Variants in KIF4A observed in about 807,000 individuals in gnomAD.
KIF4A encodes the protein chromosome-associated kinesin KIF4A.
Under a neutral mutation model 105.9 loss-of-function variants are expected in KIF4A, and 7 were observed. The ratio of observed to expected loss-of-function variants is 0.07; its 90% CI spans 0.04 to 0.12. The LOEUF (loss-of-function observed/expected upper bound fraction) is 0.12, where lower values mean the gene tolerates loss of function less well. Among genes scored for constraint, KIF4A ranks in the 10% least tolerant of loss-of-function variants. KIF4A has a pLI of 1.00. For missense variants in KIF4A, 558 were observed against 929.2 expected (o/e 0.60, Z 5.19); for synonymous variants, 281 against 331.3 (o/e 0.85, Z 1.65).
At chrX:70,305,716 G>A (rs1384333027) in intron 7 of KIF4A, among the ~76,000 whole-genome samples, 2 of 111,967 alleles carry the variant, frequency 1.8e-5, no homozygotes, top group Non-Finnish European at 3.8e-5. Context: ...CCTATGAGTG[G>A]AATTGCTGGA....
rs372422525 is a variant in KIF4A, at chrX:70,367,318, G to A, written c.1675-6833G>A. On this transcript the variant is annotated intron_variant, in intron 15 of 30. Transcript: ENST00000374403. The stretch of plus-strand genomic sequence containing the variant: ...ATGATGTTAGCTGGTTATTTTGCTC[G>A]TTAGTTGATGCAGTTTCTTCCTAGC... 4.0e-3 allele frequency among the ~76,000 whole-genome samples: 441 copies of A among 110,769 alleles called. 3 individuals carry two copies. Among genetic ancestry groups the A allele is most frequent in the African/African-American group, 0.012 (372 of 30,493 alleles).
intron 15 of KIF4A, among the ~76,000 whole-genome samples, chrX:70,360,256 G>T (rs1214975356): frequency 8.9e-6 from 1 of 112,587 alleles, no homozygotes; most frequent in African/African-American, 3.2e-5. Context: ...GATGGGTAGA[G>T]AAAAAGTTCA....
chrX:70,353,599 T>C, intron 14 of KIF4A, 23 bp from the exon 15 acceptor site: 1 of 1,193,937 alleles, frequency 8.4e-7, no homozygotes, highest in Non-Finnish European at 1.1e-6. Context: ...CTCTTATAAA[T>C]CATTATCCTG....
intron 7 of KIF4A, 102 bp from the exon 8 acceptor site, chrX:70,329,303 A>G (rs2085921837): frequency 1.3e-6 from 1 of 778,225 alleles, no homozygotes; most frequent in Non-Finnish European, 1.8e-6. Flanking sequence ...TGATGACTCG[A>G]TATTTTTATG....
chrX:70,371,743 C>T (rs1449917395), intron 15 of KIF4A, among the ~76,000 whole-genome samples: 5 of 108,290 alleles, frequency 4.6e-5, no homozygotes, highest in African/African-American at 1.0e-4. Context: ...GGCTGCTGGG[C>T]GGAGACGCTC....
intron 15 of KIF4A, among the ~76,000 whole-genome samples, chrX:70,367,890 A>G (rs1367988844): frequency 8.9e-6 from 1 of 112,056 alleles, no homozygotes; most frequent in Admixed American, 9.5e-5. Flanking sequence ...AGGTACACCA[A>G]TCAGACATAG....
At chrX:70,294,197 C>G (rs2085771946) in intron 3 of KIF4A, among the ~76,000 whole-genome samples, 1 of 111,747 alleles carries the variant, frequency 8.9e-6, no homozygotes, top group Non-Finnish European at 1.9e-5. Context: ...CACCCAGGGC[C>G]AGGATCTTCA....
intron 13 of KIF4A, among the ~76,000 whole-genome samples, chrX:70,351,131 GTTCTT>G (rs764751080): frequency 8.9e-6 from 1 of 112,165 alleles, no homozygotes; most frequent in South Asian, 3.7e-4. Context: ...CATATCATCT[GTTCTT>G]TTTTTCCCTT....
intron 20 of KIF4A, among the ~76,000 whole-genome samples, chrX:70,391,069 G>A (rs1417010366): frequency 2.7e-5 from 3 of 111,762 alleles, no homozygotes; most frequent in African/African-American, 9.8e-5. Flanking sequence ...TAAAGCTGCT[G>A]TTAAAAACAC....
rs770202128 is a variant in KIF4A at position 70,352,644 on chromosome X, G to A, written c.1476G>A (p.Val492=). 37 of 1,189,499 alleles carry A rather than the reference G, an allele frequency of 3.1e-5. No individual in the cohort carries two copies. Among genetic ancestry groups the A allele is most frequent in the Admixed American group, 4.4e-5 (2 of 45,531 alleles). Residue 492 remains valine, a synonymous_variant, in exon 14 of 31, where the codon GTG becomes GTA. Transcript: ENST00000374403. The part of the protein sequence containing the change: ...ACMAAAIDTA[V]EQEAQVETSP... ...TGGCTGCAGCCATTGATACTGCGGT[G>A]GAGCAAGAAGCCGTAAGTAATTGGC...
intron 7 of KIF4A, among the ~76,000 whole-genome samples, chrX:70,321,125 G>GCCTA (rs1229321790): frequency 9.0e-6 from 1 of 110,896 alleles, no homozygotes; most frequent in Non-Finnish European, 1.9e-5. Context: ...CTGGTCCCAA[G>GCCTA]CCTACCTCCT....
chrX:70,336,942 G>T (rs2085953010), intron 10 of KIF4A, among the ~76,000 whole-genome samples: 1 of 111,034 alleles, frequency 9.0e-6, no homozygotes, highest in South Asian at 3.8e-4. Context: ...CCACTATTCT[G>T]CTTTCAGTAT....
At chrX:70,377,960 A>G (rs1270515257) in intron 18 of KIF4A, among the ~76,000 whole-genome samples, 1 of 112,485 alleles carries the variant, frequency 8.9e-6, no homozygotes, top group Non-Finnish European at 1.9e-5. Flanking sequence ...AAATAATACA[A>G]AATCTGTTCT....
intron 13 of KIF4A, among the ~76,000 whole-genome samples, chrX:70,346,461 A>T (rs1254010254): frequency 4.5e-5 from 5 of 111,563 alleles, no homozygotes; most frequent in Admixed American, 9.5e-5. Flanking sequence ...TGGGGCTTCG[A>T]GTCACATAGA....
intron 7 of KIF4A, among the ~76,000 whole-genome samples, chrX:70,328,152 C>G: frequency 8.9e-6 from 1 of 111,770 alleles, no homozygotes; most frequent in African/African-American, 3.2e-5. Context: ...AATAATGATA[C>G]CATTTGTGCT....
At chrX:70,313,122 A>G (rs1456788515) in intron 7 of KIF4A, among the ~76,000 whole-genome samples, 1 of 111,704 alleles carries the variant, frequency 9.0e-6, no homozygotes, top group Non-Finnish European at 1.9e-5. Context: ...ATTTTCTCAC[A>G]GTATGACCAA....
At chrX:70,355,369 C>G (rs1471733839) in intron 15 of KIF4A, among the ~76,000 whole-genome samples, 1 of 111,772 alleles carries the variant, frequency 8.9e-6, no homozygotes, top group African/African-American at 3.3e-5. Flanking sequence ...CCAGGCTACA[C>G]TAATGGCTGG....
At chrX:70,366,083 G>A (rs180899303) in intron 15 of KIF4A, among the ~76,000 whole-genome samples, 4 of 111,362 alleles carry the variant, frequency 3.6e-5, no homozygotes, top group East Asian at 5.6e-4. Context: ...TGGGATCGGC[G>A]GTGATATCTC....
intron 13 of KIF4A, among the ~76,000 whole-genome samples, chrX:70,349,779 G>A (rs1214769457): frequency 1.2e-5 from 1 of 84,996 alleles, no homozygotes; most frequent in Non-Finnish European, 2.3e-5. Flanking sequence ...CGGGGCGGCC[G>A]GGCAGAGATG....
Sources: allele counts gnomAD v4.1 joint callset (sites outside exome capture counted in the v4.1 genomes callset), GRCh38; gene constraint gnomAD v4.1.1; transcripts MANE v1.5; gene names NCBI Gene and HGNC (gene_info 2026-07-23, HGNC 2026-07-21).